KLHL1: variants seen among roughly 807,000 people sequenced by gnomAD.
KLHL1 encodes the protein kelch-like protein 1.
Under a neutral mutation model 77.7 loss-of-function variants are expected in KLHL1, and 47 were observed. That is an observed-to-expected ratio of 0.60 (90% CI 0.48 to 0.77). The LOEUF is 0.77. KLHL1 is among the 30% of genes least tolerant of loss of function. The pLI, the probability that KLHL1 is intolerant of heterozygous loss-of-function variation, is 0.00. For synonymous variants in KLHL1, 360 were observed against 325.2 expected (o/e 1.11, Z -1.15); for missense variants, 925 against 910.8 (o/e 1.02, Z -0.20).
chr13:70,020,658 A>T (rs1392883091), intron 1 of KLHL1, among the ~76,000 whole-genome samples: 1 of 152,162 alleles, frequency 6.6e-6, no homozygotes, highest in East Asian at 1.9e-4. Context: ...CAGATAACCC[A>T]GGTACATAAA....
In KLHL1 at chr13:70,035,412, G is replaced by A. The variant is rs189864094; in HGVS notation, c.498-59610C>T. Among the ~76,000 whole-genome samples, 8 of 152,150 alleles carry A rather than the reference G, an allele frequency of 5.3e-5. No homozygotes were observed. The East Asian group carries it at 1.2e-3, about 22-fold the overall frequency. On this transcript the variant is annotated intron_variant, in intron 1 of 10. Transcript: ENST00000377844. ...ATTGAAAACATGAGGATAGAGAGTA[G>A]AACAATGGTTTCCAGAGCCTGGGAA...
chr13:69,882,645 A>G (rs910248184), intron 4 of KLHL1, 150 bp from the exon 5 acceptor site: 4 of 617,044 alleles, frequency 6.5e-6, no homozygotes, highest in Non-Finnish European at 1.1e-5. Flanking sequence ...GAGGCTGTTA[A>G]GATGAAAGCA....
chr13:70,016,834 T>C (rs893951539), intron 1 of KLHL1, among the ~76,000 whole-genome samples: 3 of 151,994 alleles, frequency 2.0e-5, no homozygotes, highest in Admixed American at 6.6e-5. Flanking sequence ...GAACTTATGG[T>C]GGTTTTTCCA....
intron 1 of KLHL1, among the ~76,000 whole-genome samples, chr13:70,086,343 GA>G (rs1310976262): frequency 6.6e-6 from 1 of 151,546 alleles, no homozygotes; most frequent in Admixed American, 6.6e-5. Context: ...AGCACTTTGG[GA>G]GGCCTAGGTG....
intron 4 of KLHL1, among the ~76,000 whole-genome samples, chr13:69,908,367 A>G (rs2138238739): frequency 6.6e-6 from 1 of 151,908 alleles, no homozygotes; most frequent in South Asian, 2.1e-4. Flanking sequence ...TTTATGTTTG[A>G]ATACAATAAA....
At chr13:69,793,535 A>G (rs990419240) in intron 7 of KLHL1, among the ~76,000 whole-genome samples, 4 of 151,940 alleles carry the variant, frequency 2.6e-5, no homozygotes, top group African/African-American at 9.7e-5. Flanking sequence ...AAAAAGCTAG[A>G]TAAGTCAAAA....
At position 69,707,653 on chromosome 13, in the gene KLHL1, T is replaced by C; in HGVS notation, c.2159A>G (p.Tyr720Cys). The C allele has an allele frequency of 4.3e-6, 7 of 1,612,284 alleles. No individual in the cohort carries two copies. The highest frequency in any genetic ancestry group is 2.2e-5 in the East Asian group (1 of 44,814). The change falls in exon 10 of 11, where the codon TAT (tyrosine) becomes TGT (cysteine). Residue 720 changes from tyrosine to cysteine, a missense_variant. By Grantham distance (194) the Tyr-to-Cys change is radical. Coordinates refer to ENST00000377844, the MANE Select transcript of KLHL1 (RefSeq NM_020866.3). The part of the protein sequence containing the change: ...GQTYLNTMES[Y>C]DPQTNEWTQM... ...TGTCCACTCATTAGTTTGTGGGTCA[T>C]AGGATTCCATAGTGTTGAGGTATGT...
chr13:69,773,219 A>T (rs917911092), intron 7 of KLHL1, among the ~76,000 whole-genome samples: 1 of 152,108 alleles, frequency 6.6e-6, no homozygotes, highest in Non-Finnish European at 1.5e-5. Context: ...TTAAGGGAAT[A>T]TAATGTAGGT....
intron 1 of KLHL1, among the ~76,000 whole-genome samples, chr13:70,022,523 T>A (rs1004550551): frequency 5.9e-5 from 9 of 151,880 alleles, no homozygotes; most frequent in African/African-American, 1.7e-4. Flanking sequence ...TAATACAATA[T>A]GGTGATCAAA....
At chr13:69,915,539 T>A (rs1048728546) in intron 4 of KLHL1, among the ~76,000 whole-genome samples, 1 of 152,174 alleles carries the variant, frequency 6.6e-6, no homozygotes, top group African/African-American at 2.4e-5. Flanking sequence ...CGGCTAGCCA[T>A]ATGTAGAAAG....
chr13:69,735,934 T>C (rs1244787390), intron 8 of KLHL1, among the ~76,000 whole-genome samples: 2 of 152,160 alleles, frequency 1.3e-5, no homozygotes, highest in African/African-American at 4.8e-5. Context: ...AAATATATAA[T>C]GTGAATATGT....
At chr13:69,762,171 T>G (rs914192237) in intron 7 of KLHL1, among the ~76,000 whole-genome samples, 2 of 152,158 alleles carry the variant, frequency 1.3e-5, no homozygotes, top group Non-Finnish European at 2.9e-5. Flanking sequence ...AAGTACTTAC[T>G]TCCCTAGACA....
At chr13:69,705,209 C>T (rs539614687) in intron 10 of KLHL1, among the ~76,000 whole-genome samples, 1 of 147,464 alleles carries the variant, frequency 6.8e-6, no homozygotes, top group South Asian at 2.1e-4. Flanking sequence ...TCTTGAAGCA[C>T]GTGCATTATT....
At chr13:69,923,712 C>T (rs532350568) in intron 4 of KLHL1, among the ~76,000 whole-genome samples, 99 of 152,202 alleles carry the variant, frequency 6.5e-4, no homozygotes, top group Non-Finnish European at 1.1e-3. Context: ...TATGGCAGTC[C>T]ATCTAGAGCA....
chr13:69,735,570 AAC>A (rs1317580767), intron 8 of KLHL1, among the ~76,000 whole-genome samples: 4 of 149,510 alleles, frequency 2.7e-5, no homozygotes, highest in Admixed American at 1.3e-4. Context: ...GATATAAATA[AAC>A]ACATAATATG....
chr13:69,841,718 T>C (rs1164437784), intron 5 of KLHL1, among the ~76,000 whole-genome samples: 1 of 151,746 alleles, frequency 6.6e-6, no homozygotes, highest in African/African-American at 2.4e-5. Flanking sequence ...CTAAAATATA[T>C]ATAAAACATC....
At position 69,975,658 on chromosome 13, in the gene KLHL1, A is replaced by T; in HGVS notation, c.642T>A (p.Val214=). ...TCTTTCGGTTCCCAACAATCAGGAT[A>T]ACATCACAAAGTTGCTGCTGCTTCA... The part of the protein sequence containing the change: ...SYLKQQQLCD[V]ILIVGNRKIP... The change falls in exon 2 of 11, where the codon GTT becomes GTA. Residue 214 remains valine, a synonymous_variant. Coordinates refer to ENST00000377844, the MANE Select transcript of KLHL1 (RefSeq NM_020866.3). The T allele has an allele frequency of 6.2e-7, 1 of 1,613,608 alleles. No individual in the cohort carries two copies. Among genetic ancestry groups the T allele is most frequent in the Non-Finnish European group, 8.5e-7 (1 of 1,179,728 alleles).
intron 7 of KLHL1, among the ~76,000 whole-genome samples, chr13:69,742,432 T>G (rs1015042477): frequency 3.3e-5 from 5 of 152,160 alleles, no homozygotes; most frequent in Non-Finnish European, 5.9e-5. Context: ...CTCCCAAAAC[T>G]GATGTGAAAA....
chr13:69,754,325 G>A (rs75159592), intron 7 of KLHL1, among the ~76,000 whole-genome samples: 3,271 of 152,080 alleles, frequency 0.022, 108 homozygotes, highest in African/African-American at 0.075. Context: ...AAAATGTAAA[G>A]TCCCAAATAC....
Sources: gnomAD v4.1 joint callset for allele counts (sites outside exome capture counted in the v4.1 genomes callset) on GRCh38, gnomAD v4.1.1 for gene constraint, MANE v1.5 for transcripts, NCBI Gene and HGNC (gene_info 2026-07-23, HGNC 2026-07-21) for gene names.